Variants in OXR1 observed in about 807,000 individuals in gnomAD.
OXR1 encodes the protein oxidation resistance protein 1.
In OXR1, 41 loss-of-function variants were observed where a neutral mutation model predicts 104.6. The ratio of observed to expected loss-of-function variants is 0.39; its 90% confidence interval spans 0.31 to 0.51. The LOEUF (loss-of-function observed/expected upper bound fraction) is 0.51, where lower values mean the gene tolerates loss of function less well. OXR1 is among the 20% of genes least tolerant of loss of function. The pLI, the probability that OXR1 is intolerant of heterozygous loss-of-function variation, is 0.77. For synonymous variants in OXR1, 348 were observed against 348.4 expected (o/e 1.00, Z 0.01); for missense variants, 955 against 1,031.9 (o/e 0.93, Z 1.02).
intron 10 of OXR1, among the ~76,000 whole-genome samples, 167 bp from the exon 11 acceptor site, chr8:106,713,656 G>A (rs1831939386): frequency 6.6e-6 from 1 of 151,862 alleles, no homozygotes; most frequent in Non-Finnish European, 1.5e-5. Flanking sequence ...CAAATAAAAT[G>A]TTTAAGTTAA....
intron 2 of OXR1, among the ~76,000 whole-genome samples, chr8:106,377,305 C>T (rs571175236): frequency 4.6e-5 from 7 of 152,050 alleles, no homozygotes; most frequent in African/African-American, 1.2e-4. Flanking sequence ...GTCTCAGTCT[C>T]CCCGGTAGAT....
At chr8:106,743,397 G>A (rs1039699658) in intron 15 of OXR1, among the ~76,000 whole-genome samples, 4 of 152,160 alleles carry the variant, frequency 2.6e-5, no homozygotes, top group African/African-American at 7.2e-5. Context: ...TCTCAGCTCA[G>A]TGCAGCCTTT....
intron 1 of OXR1, among the ~76,000 whole-genome samples, chr8:106,339,522 ATATATATATATATATATAT>A (rs1815140481): frequency 1.0e-4 from 2 of 19,304 alleles, no homozygotes; most frequent in African/African-American, 2.2e-4. Context: ...AAAAAAAAAT[ATATATATATATATATATAT>A]ATATATATAT....
intron 7 of OXR1, among the ~76,000 whole-genome samples, chr8:106,702,125 A>G (rs1422201268): frequency 6.6e-6 from 1 of 152,130 alleles, no homozygotes; most frequent in Non-Finnish European, 1.5e-5. Flanking sequence ...ACATGCCACC[A>G]GGCCCAGCTA....
intron 2 of OXR1, among the ~76,000 whole-genome samples, chr8:106,364,470 C>T (rs565078728): frequency 6.6e-6 from 1 of 152,018 alleles, no homozygotes; most frequent in African/African-American, 2.4e-5. Context: ...GTCCCAGCTA[C>T]TCAGGAGGCT....
At chr8:106,422,663 AACTACCATTTTTAGAGC>A (rs1310606780) in intron 2 of OXR1, among the ~76,000 whole-genome samples, 1 of 152,184 alleles carries the variant, frequency 6.6e-6, no homozygotes, top group Non-Finnish European at 1.5e-5. Flanking sequence ...TTATAGAAAT[AACTACCATTTTTAGAGC>A]ACTCATTTTA....
chr8:106,564,326 C>G (rs959060739), intron 3 of OXR1, among the ~76,000 whole-genome samples: 5 of 152,160 alleles, frequency 3.3e-5, no homozygotes, highest in African/African-American at 1.2e-4. Flanking sequence ...CACAGAAATA[C>G]AAACTACCAT....
At chr8:106,353,634 T>C (rs1815832093) in intron 1 of OXR1, among the ~76,000 whole-genome samples, 1 of 152,158 alleles carries the variant, frequency 6.6e-6, no homozygotes, top group Non-Finnish European at 1.5e-5. Flanking sequence ...ATTGTATCTA[T>C]TTATGATATA....
intron 5 of OXR1, among the ~76,000 whole-genome samples, chr8:106,683,986 A>C (rs900483981): frequency 6.6e-6 from 1 of 152,218 alleles, no homozygotes; most frequent in Admixed American, 6.5e-5. Flanking sequence ...AGCTATTGCC[A>C]AATTGTCCTT....
intron 3 of OXR1, among the ~76,000 whole-genome samples, chr8:106,587,298 C>A (rs932367677): frequency 6.6e-6 from 1 of 151,448 alleles, no homozygotes; most frequent in Admixed American, 6.6e-5. Flanking sequence ...AAGTAGGGAC[C>A]AAGATTATCA....
rs566578206 is a variant in OXR1, at chr8:106,603,985, G to A, written c.221-75225G>A. On this transcript the variant is annotated intron_variant, in intron 3 of 16. Transcript: ENST00000517566. ...GGAGACTCGCTTAAACCCAGGAGGC[G>A]GTTGTTGCAGTGAGCCGAGATAGTG... Among the ~76,000 whole-genome samples, 9 of 152,176 alleles carry A rather than the reference G, an allele frequency of 5.9e-5. No homozygotes were observed. In the South Asian group the frequency reaches 8.3e-4, roughly 14 times the overall value.
At chr8:106,560,543 C>A (rs892578958) in intron 3 of OXR1, among the ~76,000 whole-genome samples, 2 of 150,040 alleles carry the variant, frequency 1.3e-5, no homozygotes, top group African/African-American at 5.1e-5. Context: ...TCTGTAAGAC[C>A]TGGAAGTCCC....
chr8:106,371,337 A>C (rs1318272973), intron 2 of OXR1, among the ~76,000 whole-genome samples: 1 of 151,706 alleles, frequency 6.6e-6, no homozygotes, highest in Non-Finnish European at 1.5e-5. Flanking sequence ...GTTTTTTCAA[A>C]AAAAAAGCAG....
At chr8:106,593,724 A>G (rs1051870463) in intron 3 of OXR1, among the ~76,000 whole-genome samples, 1 of 152,210 alleles carries the variant, frequency 6.6e-6, no homozygotes, top group Non-Finnish European at 1.5e-5. Flanking sequence ...TGCAGTGTGC[A>G]GAAATCGCGC....
intron 9 of OXR1, among the ~76,000 whole-genome samples, chr8:106,708,614 A>G (rs564054702): frequency 5.9e-5 from 9 of 152,236 alleles, no homozygotes; most frequent in South Asian, 2.1e-4. Flanking sequence ...AGAATTTCCT[A>G]TCTTTTTAAG....
At chr8:106,661,927 C>G (rs1825805585) in intron 3 of OXR1, among the ~76,000 whole-genome samples, 1 of 152,158 alleles carries the variant, frequency 6.6e-6, no homozygotes, top group African/African-American at 2.4e-5. Context: ...CTCCCCTCCA[C>G]CCCTTCTTGA....
At chr8:106,704,710 A>G (rs1830974895) in intron 8 of OXR1, among the ~76,000 whole-genome samples, 1 of 151,522 alleles carries the variant, frequency 6.6e-6, no homozygotes, top group Non-Finnish European at 1.5e-5. Context: ...GTCCTTTTCC[A>G]TTTGCAATAT....
intron 2 of OXR1, among the ~76,000 whole-genome samples, chr8:106,461,446 C>T (rs1256862815): frequency 1.3e-5 from 2 of 151,954 alleles, no homozygotes; most frequent in African/African-American, 4.8e-5. Context: ...TGGCGTGTAC[C>T]TGTAATCCCA....
intron 1 of OXR1, among the ~76,000 whole-genome samples, chr8:106,314,738 T>C (rs1563712458): frequency 6.6e-6 from 1 of 152,196 alleles, no homozygotes; most frequent in Non-Finnish European, 1.5e-5. Context: ...AGCTCCTAAC[T>C]ACCTCTGGCA....
Sources: gnomAD v4.1 joint callset for allele counts (sites outside exome capture counted in the v4.1 genomes callset) on GRCh38, gnomAD v4.1.1 for gene constraint, MANE v1.5 for transcripts, NCBI Gene and HGNC (gene_info 2026-07-23, HGNC 2026-07-21) for gene names.